Variants in DCAF8L2 observed in about 807,000 individuals in gnomAD.
The protein encoded by DCAF8L2 is DDB1 and CUL4 associated factor 8 like 2.
For missense variants in DCAF8L2, 430 were observed against 490.7 expected (o/e 0.88, Z 1.17); for synonymous variants, 200 against 190.9 (o/e 1.05, Z -0.39).
intron 4 of DCAF8L2, among the ~76,000 whole-genome samples, chrX:27,722,417 C>T (rs1434922179): frequency 1.8e-5 from 2 of 111,160 alleles, no homozygotes; most frequent in African/African-American, 3.3e-5. Context: ...TAAATGTGCT[C>T]GAAGCTCTTA....
At position 27,719,680 on chromosome X, in the gene DCAF8L2, A is replaced by T. The variant is rs780082686; in HGVS notation, c.-59+3509A>T. Reference sequence around the variant, plus strand: ...GGCTGGTCTCAAACTTCTGACCTCAAGTGATCCGCACACCTCAGCCTCCCA... The same window carrying T: ...GGCTGGTCTCAAACTTCTGACCTCATGTGATCCGCACACCTCAGCCTCCCA... On this transcript the variant is annotated intron_variant, in intron 4 of 4. Transcript: ENST00000451261. 3.6e-5 allele frequency among the ~76,000 whole-genome samples: 4 copies of T among 111,133 alleles called. 1 individual carries two copies. The South Asian group carries it at 1.5e-3, about 42-fold the overall frequency.
Position 27,677,913 on chromosome X carries a change from G to C in DCAF8L2, c.-143+1G>C, listed in dbSNP as rs1203105812. ...ACTGTGGAGCGGTGCTAATAAGGAG[G>C]TAAGAGTGGATGTAGATAAATCTGT... is the stretch of plus-strand genomic sequence containing the variant. On this transcript the variant is annotated splice_donor_variant, in intron 3 of 4. Transcript: ENST00000451261. LOFTEE classifies it low-confidence loss of function (5UTR_SPLICE). 8.9e-6 allele frequency: 1 copy of C among 111,862 alleles called. No homozygotes were observed. Among genetic ancestry groups the C allele is most frequent in the African/African-American group, 3.2e-5 (1 of 30,829 alleles). The allele number at this position is 111,862 out of a possible 1,213,427, so 9.2% of individuals were successfully genotyped here. A position where few individuals can be genotyped will look rare whatever the true frequency, so the allele number is the denominator to read the frequency against.
intron 1 of DCAF8L2, among the ~76,000 whole-genome samples, chrX:27,625,782 C>T (rs188377064): frequency 9.0e-6 from 1 of 111,295 alleles, no homozygotes; most frequent in East Asian, 2.9e-4. Context: ...ACCACATGTT[C>T]GTACTTTCAA....
the DCAF8L2 span, among the ~76,000 whole-genome samples, chrX:27,502,327 A>AT: frequency 1.8e-4 from 6 of 32,985 alleles, no homozygotes; most frequent in African/African-American, 6.5e-4. Context: ...TAAAAAAAAA[A>AT]AAAAAAAAAT....
intron 1 of DCAF8L2, among the ~76,000 whole-genome samples, chrX:27,607,568 GT>G (rs911539668): frequency 3.6e-5 from 4 of 111,179 alleles, no homozygotes; most frequent in African/African-American, 1.3e-4. Context: ...CTCCAACTGT[GT>G]TTCATGGCAT....
At chrX:27,680,124 C>G (rs1930272754) in intron 3 of DCAF8L2, among the ~76,000 whole-genome samples, 1 of 111,547 alleles carries the variant, frequency 9.0e-6, no homozygotes, top group Non-Finnish European at 1.9e-5. Context: ...TTCTTTCTTC[C>G]TAGATCCTAC....
intron 3 of DCAF8L2, among the ~76,000 whole-genome samples, chrX:27,681,846 T>C (rs1276201722): frequency 1.8e-5 from 2 of 112,467 alleles, no homozygotes; most frequent in Non-Finnish European, 3.8e-5. Flanking sequence ...CCAGAGCCTA[T>C]TTTTATGCTA....
At chrX:27,470,553 A>G in the DCAF8L2 span, among the ~76,000 whole-genome samples, 6 of 112,169 alleles carry the variant, frequency 5.3e-5, no homozygotes, top group African/African-American at 1.9e-4. Context: ...ATAAACAGTC[A>G]GCTATGAAAG....
At chrX:27,631,586 G>A (rs1423898379) in intron 1 of DCAF8L2, among the ~76,000 whole-genome samples, 1 of 111,494 alleles carries the variant, frequency 9.0e-6, no homozygotes, top group African/African-American at 3.3e-5. Context: ...ATAGCCAAAT[G>A]TGGCCAGTAG....
the DCAF8L2 span, among the ~76,000 whole-genome samples, chrX:27,533,667 A>G: frequency 9.0e-6 from 1 of 111,559 alleles, no homozygotes; most frequent in South Asian, 3.7e-4. Flanking sequence ...CACAAGGTCA[A>G]TTTAAACAAG....
In DCAF8L2 at chrX:27,707,570, A is replaced by G. The variant is rs138127930; in HGVS notation, c.-142-8518A>G. Among the ~76,000 whole-genome samples the G allele has an allele frequency of 5.3e-3, 593 of 112,124 alleles. 4 individuals are homozygous for G. The highest frequency in any genetic ancestry group is 7.0e-3 in the Non-Finnish European group (370 of 53,219). ...CAAAAAAGTAATTTGAAGCTAAATT[A>G]TAGTTCTGTAAACTAGAATCGAGTG... On this transcript the variant is annotated intron_variant, in intron 3 of 4. Transcript: ENST00000451261.
chrX:27,576,109 A>T, the DCAF8L2 span, among the ~76,000 whole-genome samples: 1 of 112,646 alleles, frequency 8.9e-6, no homozygotes, highest in Non-Finnish European at 1.9e-5. Flanking sequence ...AAGTATGTGT[A>T]GTAATTTGAT....
rs1395873009 is a variant in DCAF8L2 at position 27,749,884 on chromosome X, TTAAA to T, written c.*1097_*1100del. On this transcript the variant is annotated 3_prime_UTR_variant, in exon 5 of 5. Coordinates refer to ENST00000451261, the MANE Select transcript of DCAF8L2 (RefSeq NM_001353450.2). Reference sequence around the variant, plus strand: ...TGTTTTATGCCTCATTTAATATAAATTAAATAAGGGTACTGGATGTCCAATTACT... The same window carrying T: ...TGTTTTATGCCTCATTTAATATAAATTAAGGGTACTGGATGTCCAATTACT... Among the ~76,000 whole-genome samples the T allele has an allele frequency of 3.6e-5, 4 of 112,192 alleles. No homozygotes were observed. Among genetic ancestry groups the T allele is most frequent in the Non-Finnish European group, 7.5e-5 (4 of 53,313 alleles).
chrX:27,548,064 G>A, the DCAF8L2 span, among the ~76,000 whole-genome samples: 46,996 of 109,039 alleles, frequency 0.43, 8,695 homozygotes, highest in South Asian at 0.67. Flanking sequence ...TCTCAGGTAT[G>A]TCTTTATAGC....
the DCAF8L2 span, among the ~76,000 whole-genome samples, chrX:27,532,058 T>C: frequency 1.0e-5 from 1 of 97,412 alleles, no homozygotes. Context: ...GATAAATTGA[T>C]ATCGATATAT....
chrX:27,715,500 A>C (rs1281284516), intron 3 of DCAF8L2, among the ~76,000 whole-genome samples: 1 of 111,783 alleles, frequency 8.9e-6, no homozygotes, highest in Non-Finnish European at 1.9e-5. Flanking sequence ...CAGGCTTACA[A>C]GTTGGAGAAA....
At chrX:27,578,573 A>T in the DCAF8L2 span, among the ~76,000 whole-genome samples, 3 of 112,027 alleles carry the variant, frequency 2.7e-5, no homozygotes, top group Non-Finnish European at 5.6e-5. Context: ...AATTAACCTA[A>T]AGAGCTTCTA....
At chrX:27,526,328 G>A in the DCAF8L2 span, among the ~76,000 whole-genome samples, 13 of 112,084 alleles carry the variant, frequency 1.2e-4, no homozygotes, top group Non-Finnish European at 1.7e-4. Context: ...AGCTACTGAA[G>A]CTTGTGTATT....
At chrX:27,695,184 G>T (rs1455122298) in intron 3 of DCAF8L2, among the ~76,000 whole-genome samples, 2 of 111,460 alleles carry the variant, frequency 1.8e-5, no homozygotes, top group Non-Finnish European at 3.8e-5. Flanking sequence ...AAAATTACTG[G>T]ATGTTTACTT....
Sources: allele counts gnomAD v4.1 joint callset (sites outside exome capture counted in the v4.1 genomes callset), GRCh38; gene constraint gnomAD v4.1.1; transcripts MANE v1.5; gene names NCBI Gene and HGNC (gene_info 2026-07-23, HGNC 2026-07-21).